GRHL1: variants seen among roughly 807,000 people sequenced by gnomAD.
GRHL1 encodes grainyhead like transcription factor 1.
GRHL1 carries 38 observed loss-of-function variants against 75.7 expected under a neutral mutation model. The observed-to-expected ratio is 0.50, with a 90% CI of 0.39 to 0.66. GRHL1 has a LOEUF of 0.66. Ranked by LOEUF, GRHL1 falls within the 30% of genes least tolerant of loss-of-function variation. The probability of loss-of-function intolerance (pLI) is 0.00; values close to 1 mark genes in which losing one functional copy is unlikely to be tolerated. For synonymous variants in GRHL1, 266 were observed against 279.4 expected (o/e 0.95, Z 0.48); for missense variants, 589 against 767.5 (o/e 0.77, Z 2.75).
chr2:9,956,852 A>G (rs1572331358), intron 2 of GRHL1, among the ~76,000 whole-genome samples: 1 of 152,216 alleles, frequency 6.6e-6, no homozygotes, highest in African/African-American at 2.4e-5. Flanking sequence ...TGTGCCAGAA[A>G]GGCCCGTGTG....
chr2:9,976,531 T>C (rs933284445), intron 8 of GRHL1, among the ~76,000 whole-genome samples: 1 of 151,754 alleles, frequency 6.6e-6, no homozygotes, highest in Non-Finnish European at 1.5e-5. Context: ...ACCCCAAGGG[T>C]CTTGGGGTTG....
chr2:9,955,221 T>C, intron 2 of GRHL1, 120 bp downstream of exon 2: 2 of 644,192 alleles, frequency 3.1e-6, no homozygotes, highest in South Asian at 4.0e-5. Flanking sequence ...TGACTATAAA[T>C]AGTTTAATGA....
intron 8 of GRHL1, among the ~76,000 whole-genome samples, chr2:9,966,905 C>T (rs370552729): frequency 2.6e-5 from 4 of 152,130 alleles, no homozygotes; most frequent in South Asian, 2.1e-4. Flanking sequence ...CTGCATAGTC[C>T]GGAGTTTGTT....
rs1216721673 is a variant in GRHL1 at position 9,961,402 on chromosome 2, CCTT to C, written c.638_640del (p.Phe213del). On this transcript the variant is annotated inframe_deletion, in exon 4 of 16. Transcript: ENST00000324907. ...GCTCAAAGGCGAACTCCAGACTCGA[CCTT>C]CTCAGAGACCTTCAAGGAAGGCGTT... is the stretch of plus-strand genomic sequence containing the variant. 2 of 1,613,436 alleles carry C rather than the reference CCTT, an allele frequency of 1.2e-6. No individual in the cohort carries two copies. The highest frequency in any genetic ancestry group is 1.7e-6 in the Non-Finnish European group (2 of 1,179,506).
rs746466770 is a variant in GRHL1, at chr2:9,958,783, C to T, written c.208-3C>T. 1 of 1,611,100 alleles carries T rather than the reference C, an allele frequency of 6.2e-7. No individual in the cohort carries two copies. Among genetic ancestry groups the T allele is most frequent in the Admixed American group, 1.7e-5 (1 of 60,010 alleles). ...AAATTCTTTTCATGTGTGCTAATATCAGGTTCCAAGAGAGAGAAGGTCATC... is the reference window on the plus strand; with the variant it reads ...AAATTCTTTTCATGTGTGCTAATATTAGGTTCCAAGAGAGAGAAGGTCATC... On this transcript the variant is annotated splice_polypyrimidine_tract_variant and splice_region_variant and intron_variant, in intron 2 of 15. Coordinates refer to ENST00000324907, the MANE Select transcript of GRHL1 (RefSeq NM_198182.3).
rs1364346255 is a variant in GRHL1, at chr2:9,995,912, A to G, written c.1533A>G (p.Glu511=). 1.2e-6 allele frequency: 2 copies of G among 1,613,104 alleles called. No homozygotes were observed. The highest frequency in any genetic ancestry group is 1.7e-6 in the Non-Finnish European group (2 of 1,179,102). ...SVLKRGPYGT[E]DDFAVPPSTK... is the part of the protein sequence containing the mutation. ...TGAAAAGGGGGCCGTACGGCACAGA[A>G]GATGACTTTGCTGTCCCTCCTTCTA... Residue 511 remains glutamate (E), a synonymous_variant, in exon 13 of 16, where the codon GAA becomes GAG. Transcript: ENST00000324907.
At chr2:10,000,567 G>A in intron 15 of GRHL1, 26 bp from the exon 16 acceptor site, 1 of 1,353,646 alleles carries the variant, frequency 7.4e-7, no homozygotes, top group Non-Finnish European at 1.1e-6. Context: ...CAGTGAAGTT[G>A]GTTGGTCTTG....
At chr2:9,996,049 A>G in intron 13 of GRHL1, 79 bp downstream of exon 13, 1 of 962,694 alleles carries the variant, frequency 1.0e-6, no homozygotes, top group Non-Finnish European at 1.7e-6. Context: ...AAATGGTTCA[A>G]GCACATTTTT....
intron 8 of GRHL1, among the ~76,000 whole-genome samples, chr2:9,969,152 T>C (rs731169): frequency 0.012 from 1,827 of 152,306 alleles, 32 homozygotes; most frequent in African/African-American, 0.041. Flanking sequence ...TACAACAGCA[T>C]TGAGATTTGC....
intron 1 of GRHL1, chr2:9,952,846 T>C (rs1196304717): frequency 3.1e-6 from 1 of 321,942 alleles, no homozygotes; most frequent in African/African-American, 2.2e-5. Context: ...GTGTGTTCTT[T>C]TTCTGGATGA....
intron 2 of GRHL1, among the ~76,000 whole-genome samples, chr2:9,957,914 G>T (rs1667104780): frequency 6.6e-6 from 1 of 152,218 alleles, no homozygotes; most frequent in South Asian, 2.1e-4. Flanking sequence ...AGAACACTGA[G>T]TTAGACTTGT....
chr2:9,966,955 A>G (rs1052998755), intron 8 of GRHL1, among the ~76,000 whole-genome samples: 1 of 152,180 alleles, frequency 6.6e-6, no homozygotes, highest in Non-Finnish European at 1.5e-5. Flanking sequence ...TCCATTTTAT[A>G]TAATTGTTGT....
Position 9,986,116 on chromosome 2 carries a change from C to G in GRHL1, c.1111-8C>G. ...TGTTGCTTATGGAACCTTCTCTTCC[C>G]TTGGCAGGTTTTCATCTCTGTGAAC... On this transcript the variant is annotated splice_region_variant and splice_polypyrimidine_tract_variant and intron_variant, in intron 8 of 15. Coordinates refer to ENST00000324907, the MANE Select transcript of GRHL1 (RefSeq NM_198182.3). 1 of 1,600,464 alleles carries G rather than the reference C, an allele frequency of 6.2e-7. No homozygotes were observed. The highest frequency in any genetic ancestry group is 1.7e-4 in the Middle Eastern group (1 of 6,034).
Position 9,998,592 on chromosome 2 carries a change from A to G in GRHL1, c.1678-373A>G, listed in dbSNP as rs74171472. On this transcript the variant is annotated intron_variant, in intron 14 of 15. Transcript: ENST00000324907. Reference sequence around the variant, plus strand: ...TATATATATACATATGTACATATATATGTACACATATATATATACATATAT... The same window carrying G: ...TATATATATACATATGTACATATATGTGTACACATATATATATACATATAT... Among the ~76,000 whole-genome samples the G allele has an allele frequency of 1.3e-3, 60 of 45,982 alleles. 19 individuals carry two copies. The highest frequency in any genetic ancestry group is 4.5e-3 in the African/African-American group (47 of 10,394). 30.2% of individuals were successfully genotyped at this position (45,982 alleles called of 152,430 possible).
chr2:9,998,943 T>TA, intron 14 of GRHL1, 22 bp from the exon 15 acceptor site: 1 of 1,376,040 alleles, frequency 7.3e-7, no homozygotes, highest in Non-Finnish European at 1.0e-6. Flanking sequence ...GGTTTTGTAA[T>TA]TATTTTTCTT....
At chr2:9,986,009 T>G in intron 8 of GRHL1, 115 bp from the exon 9 acceptor site, 18 of 699,284 alleles carry the variant, frequency 2.6e-5, no homozygotes, top group Non-Finnish European at 3.4e-5. Context: ...AATGAGAAGC[T>G]GAGCTTCTCA....
At chr2:9,975,722 A>AG (rs1667921011) in intron 8 of GRHL1, among the ~76,000 whole-genome samples, 1 of 89,540 alleles carries the variant, frequency 1.1e-5, no homozygotes, top group African/African-American at 4.1e-5. Flanking sequence ...TAGTAAATAC[A>AG]AAAAAAAAAA....
At position 9,999,102 on chromosome 2, in the gene GRHL1, C is replaced by T. The variant is rs1669154555; in HGVS notation, c.1742+73C>T. The T allele has an allele frequency of 1.2e-5, 8 of 649,136 alleles. No homozygotes were observed. The Admixed American group carries it at 2.3e-4, about 18-fold the overall frequency. The allele number at this position is 649,136 out of a possible 1,614,324, so 40.2% of individuals were successfully genotyped here. The stretch of plus-strand genomic sequence containing the variant: ...CCGCAGTGCTAGTGTGACGCACCCC[C>T]CAGTGCTGTTGACACCCCCCAGCAC... On this transcript the variant is annotated intron_variant, in intron 15 of 15. Transcript: ENST00000324907.
At chr2:9,999,488 C>T (rs929241764) in intron 15 of GRHL1, among the ~76,000 whole-genome samples, 1 of 152,212 alleles carries the variant, frequency 6.6e-6, no homozygotes, top group Non-Finnish European at 1.5e-5. Context: ...CGGTGCTGCG[C>T]TTGGTCTTCA....
Sources: allele counts gnomAD v4.1 joint callset (sites outside exome capture counted in the v4.1 genomes callset), GRCh38; gene constraint gnomAD v4.1.1; transcripts MANE v1.5; gene names NCBI Gene and HGNC (gene_info 2026-07-23, HGNC 2026-07-21).